CFAP52: variants seen among roughly 807,000 people sequenced by gnomAD.
The protein encoded by CFAP52 is cilia- and flagella-associated protein 52.
A neutral mutation model predicts 70.5 loss-of-function variants in CFAP52; 57 were observed. That is an observed-to-expected ratio of 0.81 (90% confidence interval 0.65 to 1.01). The LOEUF is 1.01. CFAP52 is among the 50% of genes least tolerant of loss of function. CFAP52 has a pLI of 0.00. For synonymous variants in CFAP52, 267 were observed against 292.5 expected (o/e 0.91, Z 0.89); for missense variants, 785 against 788.5 (o/e 1.00, Z 0.05).
intron 3 of CFAP52, 114 bp downstream of exon 3, chr17:9,586,948 G>T: frequency 7.9e-7 from 1 of 1,271,014 alleles, no homozygotes; most frequent in South Asian, 1.7e-5. Context: ...CGGGTTTGTT[G>T]TACAGATTAT....
rs566983160 is a variant in CFAP52 at position 9,630,492 on chromosome 17, C to T, written c.1174+1672C>T. On this transcript the variant is annotated intron_variant, in intron 9 of 13. Transcript: ENST00000352665. ...TCTCCCAGGCTGGAGTGCGGTGGCG[C>T]GATCTCGGCTCACTGCAAGCTCCGC... 4.1e-5 allele frequency among the ~76,000 whole-genome samples: 6 copies of T among 146,366 alleles called. No individual in the cohort carries two copies. The South Asian group carries it at 8.8e-4, about 21-fold the overall frequency.
chr17:9,641,626 G>T, intron 12 of CFAP52, 98 bp from the exon 13 acceptor site: 8 of 772,372 alleles, frequency 1.0e-5, no homozygotes, highest in Admixed American at 6.9e-5. Context: ...GTGTATTTTT[G>T]CTCCCTTCTA....
rs1023253108 is a variant in CFAP52, at chr17:9,588,827, A to G, written c.407+1993A>G. On this transcript the variant is annotated intron_variant, in intron 3 of 13. Transcript: ENST00000352665. Reference sequence around the variant, plus strand: ...CACTCTTGTTGCCCAGGCTGGAGTAATGGCACAATCTCGGCTCACTGCAAT... The same window carrying G: ...CACTCTTGTTGCCCAGGCTGGAGTAGTGGCACAATCTCGGCTCACTGCAAT... Among the ~76,000 whole-genome samples, 8 of 148,766 alleles carry G rather than the reference A, an allele frequency of 5.4e-5. No homozygotes were observed. In the East Asian group the frequency reaches 1.4e-3, roughly 26 times the overall value.
chr17:9,614,269 C>T (rs1278295852), intron 8 of CFAP52, among the ~76,000 whole-genome samples: 1 of 151,956 alleles, frequency 6.6e-6, no homozygotes, highest in South Asian at 2.1e-4. Context: ...AATTCTCCCA[C>T]CTCAGCCTCC....
chr17:9,614,157 C>CTTTTTTT (rs11347755), intron 8 of CFAP52, among the ~76,000 whole-genome samples: 7 of 93,974 alleles, frequency 7.4e-5, no homozygotes, highest in Non-Finnish European at 1.3e-4. Context: ...TTCTTTCTTT[C>CTTTTTTT]TTTTTTTTTT....
chr17:9,593,204 C>T (rs1339678177), intron 3 of CFAP52, among the ~76,000 whole-genome samples: 2 of 151,968 alleles, frequency 1.3e-5, no homozygotes, highest in Non-Finnish European at 2.9e-5. Context: ...CATAACGCCC[C>T]CTCCCCAGCA....
chr17:9,588,703 T>C (rs767028110), intron 3 of CFAP52, among the ~76,000 whole-genome samples: 1 of 152,142 alleles, frequency 6.6e-6, no homozygotes, highest in African/African-American at 2.4e-5. Flanking sequence ...GGGTTTGTCA[T>C]ATAGGGTCTT....
chr17:9,634,630 G>A (rs964568224), intron 10 of CFAP52, among the ~76,000 whole-genome samples: 1 of 151,740 alleles, frequency 6.6e-6, no homozygotes, highest in Non-Finnish European at 1.5e-5. Context: ...CAGGTGTGGT[G>A]GTGCACTCCT....
intron 1 of CFAP52, among the ~76,000 whole-genome samples, chr17:9,584,681 G>T (rs527515278): frequency 1.3e-5 from 2 of 152,204 alleles, no homozygotes; most frequent in East Asian, 3.9e-4. Context: ...GAGTGCAATA[G>T]TGTGATCTCG....
chr17:9,632,833 G>T (rs1910611133), intron 9 of CFAP52, 55 bp from the exon 10 acceptor site: 1 of 1,586,702 alleles, frequency 6.3e-7, no homozygotes, highest in South Asian at 1.2e-5. Flanking sequence ...AGCAGACTGT[G>T]GAGAGAGGGT....
At chr17:9,598,208 G>A in intron 4 of CFAP52, 26 bp from the exon 5 acceptor site, 1 of 1,523,396 alleles carries the variant, frequency 6.6e-7, no homozygotes, top group East Asian at 2.3e-5. Context: ...TTTGATTGTG[G>A]TTTTTTGTTT....
Position 9,643,312 on chromosome 17 carries a change from C to A in CFAP52, c.*114C>A. The A allele has an allele frequency of 1.0e-6, 1 of 957,920 alleles. No individual in the cohort carries two copies. Among genetic ancestry groups the A allele is most frequent in the Non-Finnish European group, 1.4e-6 (1 of 707,586 alleles). The allele number at this position is 957,920 out of a possible 1,614,324, so 59.3% of individuals were successfully genotyped here. On this transcript the variant is annotated 3_prime_UTR_variant, in exon 14 of 14. Coordinates refer to ENST00000352665, the MANE Select transcript of CFAP52 (RefSeq NM_145054.5). ...CACAGCTCTGTTTTTGTTCTTGAGT[C>A]AATTTTTCTCTTTTTCTTTATAGAA...
rs759409222 is a variant in CFAP52 at position 9,638,697 on chromosome 17, G to A, written c.1561G>A (p.Gly521Arg). The A allele has an allele frequency of 1.3e-5, 21 of 1,613,926 alleles. No homozygotes were observed. The highest frequency in any genetic ancestry group is 1.6e-4 in the Middle Eastern group (1 of 6,084). Reference sequence around the variant, plus strand: ...TGAGGAGTTCCAGATCATCACCAGCGGAACAGACAGAAAGGTGAGTCCTCC... The same window carrying A: ...TGAGGAGTTCCAGATCATCACCAGCAGAACAGACAGAAAGGTGAGTCCTCC... ...HPEEFQIITSGTDRKIAYWEV... is the reference protein window; with the variant it reads ...HPEEFQIITSRTDRKIAYWEV... Residue 521 changes from glycine (G) to arginine (R), a missense_variant, in exon 12 of 14, where the codon GGA becomes AGA. Transcript: ENST00000352665.
rs78267939 is a variant in CFAP52, at chr17:9,603,520, T to C, written c.753+3337T>C. Among the ~76,000 whole-genome samples, 840 of 152,250 alleles carry C rather than the reference T, an allele frequency of 5.5e-3. 35 individuals are homozygous for C. The East Asian group carries it at 0.1, about 19-fold the overall frequency. On this transcript the variant is annotated intron_variant, in intron 6 of 13. Coordinates refer to ENST00000352665, the MANE Select transcript of CFAP52 (RefSeq NM_145054.5). ...CACCACACCCGGCCCTAAGTAGATA[T>C]TTCATGTTCATGGATAGGAAGACTC...
chr17:9,577,879 G>A (rs1429641315), intron 1 of CFAP52, among the ~76,000 whole-genome samples: 2 of 152,164 alleles, frequency 1.3e-5, no homozygotes, highest in African/African-American at 4.8e-5. Context: ...ATCACCTGAG[G>A]TCAGGAGTTC....
At chr17:9,591,150 G>T (rs1230492173) in intron 3 of CFAP52, among the ~76,000 whole-genome samples, 3 of 140,080 alleles carry the variant, frequency 2.1e-5, no homozygotes, top group Non-Finnish European at 4.5e-5. Context: ...CGATTCTCCT[G>T]CCTCAGCCTC....
chr17:9,609,710 T>A (rs2033684758), intron 7 of CFAP52, among the ~76,000 whole-genome samples: 1 of 151,088 alleles, frequency 6.6e-6, no homozygotes, highest in Admixed American at 6.7e-5. Context: ...TCGTCTCAAT[T>A]TTTTTTTTAA....
chr17:9,631,082 GA>G (rs1910514697), intron 9 of CFAP52, among the ~76,000 whole-genome samples: 14 of 49,022 alleles, frequency 2.9e-4, no homozygotes, highest in African/African-American at 8.7e-4. Context: ...AAGAAAGAAA[GA>G]GAAAGAAAGA....
At chr17:9,597,823 GAGAGAGAA>G (rs1241346813) in intron 4 of CFAP52, among the ~76,000 whole-genome samples, 69 of 150,872 alleles carry the variant, frequency 4.6e-4, no homozygotes, top group East Asian at 1.2e-3. Context: ...GAGAGAGAGA[GAGAGAGAA>G]AGAGAGAAAG....
Sources: gnomAD v4.1 joint callset for allele counts (sites outside exome capture counted in the v4.1 genomes callset) on GRCh38, gnomAD v4.1.1 for gene constraint, MANE v1.5 for transcripts, NCBI Gene and HGNC (gene_info 2026-07-23, HGNC 2026-07-21) for gene names.